Variants in IL1RAPL2 observed in about 807,000 individuals in gnomAD.
IL1RAPL2 encodes X-linked interleukin-1 receptor accessory protein-like 2.
Under a neutral mutation model 44.1 loss-of-function variants are expected in IL1RAPL2, and 3 were observed. The ratio of observed to expected loss-of-function variants is 0.07; its 90% CI spans 0.03 to 0.18. The LOEUF (loss-of-function observed/expected upper bound fraction) is 0.18. Among genes scored for constraint, IL1RAPL2 ranks in the 10% least tolerant of loss-of-function variants. The probability of loss-of-function intolerance (pLI) is 1.00; values close to 1 mark genes in which losing one functional copy is unlikely to be tolerated. For synonymous variants in IL1RAPL2, 181 were observed against 178.8 expected, an observed-to-expected ratio of 1.01 and a Z score of -0.10; for missense variants, 391 against 496.4, an observed-to-expected ratio of 0.79 and a Z score of 2.02.
In IL1RAPL2 at chrX:105,488,694, T is replaced by TAA. The variant is rs755744378; in HGVS notation, c.772+4308_772+4309insAA. Among the ~76,000 whole-genome samples, 8 of 112,226 alleles carry TAA rather than the reference T, an allele frequency of 7.1e-5. No homozygotes were observed. In the South Asian group the frequency reaches 3.0e-3, roughly 42 times the overall value. On this transcript the variant is annotated intron_variant, in intron 6 of 10. Coordinates refer to ENST00000372582, the MANE Select transcript of IL1RAPL2 (RefSeq NM_017416.2). ...GCAAAATGAGACACGTTTTAGGAAA[T>TAA]ACTTGAGTATCAGCTTCAAGGTAGT...
intron 2 of IL1RAPL2, among the ~76,000 whole-genome samples, chrX:104,859,719 A>G (rs1030722401): frequency 1.8e-5 from 2 of 112,326 alleles, no homozygotes; most frequent in African/African-American, 6.5e-5. Context: ...CACCTTTTCT[A>G]TAATGAACAT....
At chrX:105,712,451 T>C (rs1230780611) in intron 6 of IL1RAPL2, among the ~76,000 whole-genome samples, 1 of 110,713 alleles carries the variant, frequency 9.0e-6, no homozygotes, top group African/African-American at 3.3e-5. Context: ...TAATTTATAA[T>C]GGAAAGAGGT....
At chrX:104,714,533 G>A (rs1467256612) in intron 2 of IL1RAPL2, among the ~76,000 whole-genome samples, 1 of 111,014 alleles carries the variant, frequency 9.0e-6, no homozygotes, top group Non-Finnish European at 1.9e-5. Context: ...TGCTGTGATT[G>A]TAAGTTTCTT....
In IL1RAPL2 at chrX:104,706,934, C is replaced by T. The variant is rs188584905; in HGVS notation, c.82+47939C>T. ...TTATTAACAAACCTGTACATGTACCCTTTTAGAATATTTTGTCTTCCATTA... is the reference window on the plus strand; with the variant it reads ...TTATTAACAAACCTGTACATGTACCTTTTTAGAATATTTTGTCTTCCATTA... On this transcript the variant is annotated intron_variant, in intron 2 of 10. Transcript: ENST00000372582. Among the ~76,000 whole-genome samples the T allele has an allele frequency of 6.4e-3, 711 of 111,231 alleles. 3 individuals carry two copies. Among genetic ancestry groups the T allele is most frequent in the African/African-American group, 0.022 (679 of 30,678 alleles).
chrX:105,050,397 A>G (rs1017738645), intron 2 of IL1RAPL2, among the ~76,000 whole-genome samples: 1 of 111,965 alleles, frequency 8.9e-6, no homozygotes, highest in African/African-American at 3.2e-5. Flanking sequence ...TTCTATCTTT[A>G]TGTATACTTT....
At chrX:104,578,327 T>G (rs946393791) in intron 1 of IL1RAPL2, among the ~76,000 whole-genome samples, 97 of 112,101 alleles carry the variant, frequency 8.7e-4, no homozygotes, top group Non-Finnish European at 1.4e-3. Context: ...CTCCTACTAG[T>G]GCTATCTCCA....
At chrX:104,882,652 C>T (rs1923102795) in intron 2 of IL1RAPL2, among the ~76,000 whole-genome samples, 1 of 111,789 alleles carries the variant, frequency 8.9e-6, no homozygotes, top group Admixed American at 9.5e-5. Context: ...GTAAAATGGA[C>T]CAATCAGCAG....
At chrX:104,937,147 T>C (rs1346441906) in intron 2 of IL1RAPL2, among the ~76,000 whole-genome samples, 1 of 112,426 alleles carries the variant, frequency 8.9e-6, no homozygotes, top group African/African-American at 3.2e-5. Context: ...TGCTCATATG[T>C]CTTGACTCAA....
intron 5 of IL1RAPL2, among the ~76,000 whole-genome samples, chrX:105,396,409 G>A (rs1346156261): frequency 2.8e-5 from 3 of 105,527 alleles, no homozygotes; most frequent in African/African-American, 6.9e-5. Context: ...CTGGACCTTG[G>A]GAGAGAGGTC....
chrX:105,175,928 G>A (rs773377949), intron 2 of IL1RAPL2, among the ~76,000 whole-genome samples: 4 of 110,619 alleles, frequency 3.6e-5, no homozygotes, highest in Non-Finnish European at 7.6e-5. Flanking sequence ...TTAATGGTAT[G>A]ACCATTTAGT....
intron 1 of IL1RAPL2, among the ~76,000 whole-genome samples, chrX:104,592,623 A>G (rs1304038125): frequency 9.0e-6 from 1 of 111,729 alleles, no homozygotes; most frequent in Non-Finnish European, 1.9e-5. Context: ...TAACAGTCGC[A>G]CAGGATGTCA....
chrX:104,759,049 A>G (rs1442247886), intron 2 of IL1RAPL2, among the ~76,000 whole-genome samples: 3 of 112,862 alleles, frequency 2.7e-5, no homozygotes, highest in Non-Finnish European at 3.8e-5. Context: ...ACATGTTGAA[A>G]GAAAGAAACT....
At chrX:105,381,710 A>T (rs772189955) in intron 5 of IL1RAPL2, among the ~76,000 whole-genome samples, 2 of 112,087 alleles carry the variant, frequency 1.8e-5, no homozygotes, top group South Asian at 7.4e-4. Flanking sequence ...ATTGGGATAT[A>T]CATCATCTCA....
intron 2 of IL1RAPL2, among the ~76,000 whole-genome samples, chrX:105,009,525 C>T (rs1313084277): frequency 1.0e-5 from 1 of 99,134 alleles, no homozygotes; most frequent in Non-Finnish European, 2.0e-5. Context: ...CACATGTTGT[C>T]ACTCATAGGT....
intron 5 of IL1RAPL2, among the ~76,000 whole-genome samples, chrX:105,290,453 C>G (rs996566093): frequency 4.5e-5 from 5 of 111,306 alleles, no homozygotes; most frequent in African/African-American, 1.6e-4. Context: ...TAAAGGTCCA[C>G]TAAACAAAAG....
intron 2 of IL1RAPL2, among the ~76,000 whole-genome samples, chrX:105,008,822 G>A (rs1053765469): frequency 1.8e-5 from 2 of 111,594 alleles, no homozygotes; most frequent in Non-Finnish European, 3.8e-5. Flanking sequence ...GCAGCCTACA[G>A]AATGGGAGAA....
chrX:104,839,808 A>G (rs1168503016), intron 2 of IL1RAPL2, among the ~76,000 whole-genome samples: 1 of 111,457 alleles, frequency 9.0e-6, no homozygotes, highest in Non-Finnish European at 1.9e-5. Flanking sequence ...TTCCTGGTTT[A>G]GTTTTGGGAG....
intron 1 of IL1RAPL2, among the ~76,000 whole-genome samples, chrX:104,639,741 T>C (rs141149720): frequency 1.2e-4 from 13 of 111,678 alleles, no homozygotes; most frequent in African/African-American, 4.2e-4. Flanking sequence ...GGGAGAGACT[T>C]TATTTCTCCT....
At chrX:104,962,398 T>G (rs977511233) in intron 2 of IL1RAPL2, among the ~76,000 whole-genome samples, 1 of 111,500 alleles carries the variant, frequency 9.0e-6, no homozygotes, top group Non-Finnish European at 1.9e-5. Context: ...TAAGAAACAA[T>G]GAAAATCTTA....
Sources: gnomAD v4.1 joint callset for allele counts (sites outside exome capture counted in the v4.1 genomes callset) on GRCh38, gnomAD v4.1.1 for gene constraint, MANE v1.5 for transcripts, NCBI Gene and HGNC (gene_info 2026-07-23, HGNC 2026-07-21) for gene names.